WASL: variants seen among roughly 807,000 people sequenced by gnomAD.
The protein encoded by WASL is actin nucleation-promoting factor WASL.
Under a neutral mutation model 55.5 loss-of-function variants are expected in WASL, and 20 were observed. The observed-to-expected ratio is 0.36, with a 90% CI of 0.25 to 0.52. The LOEUF is 0.52. WASL is among the 20% of genes least tolerant of loss of function. WASL has a pLI of 0.92. For missense variants in WASL, 504 were observed against 622.5 expected (o/e 0.81, Z 2.03); for synonymous variants, 249 against 217.6 (o/e 1.14, Z -1.27).
chr7:123,707,177 T>C (rs1192943608), intron 2 of WASL, among the ~76,000 whole-genome samples: 2 of 152,178 alleles, frequency 1.3e-5, no homozygotes, highest in African/African-American at 4.8e-5. Context: ...AATAGGATAC[T>C]TTTGTACATG....
chr7:123,706,875 T>G, intron 2 of WASL, 49 bp from the exon 3 acceptor site: 3 of 1,190,886 alleles, frequency 2.5e-6, no homozygotes, highest in Non-Finnish European at 3.5e-6. Flanking sequence ...ACATAATCTC[T>G]AGGAATAAAA....
intron 7 of WASL, among the ~76,000 whole-genome samples, chr7:123,695,089 A>AT (rs1383748416): frequency 1.3e-5 from 2 of 152,086 alleles, no homozygotes; most frequent in Admixed American, 1.3e-4. Flanking sequence ...AGGGCATCTC[A>AT]TTTAGATTTC....
chr7:123,691,988 CT>C (rs1367080720), intron 9 of WASL, among the ~76,000 whole-genome samples: 5 of 152,262 alleles, frequency 3.3e-5, no homozygotes, highest in African/African-American at 1.2e-4. Flanking sequence ...TGCAAACATC[CT>C]GTAAAATTCC....
At chr7:123,709,321 CTCCTAAAT>C in intron 1 of WASL, 98 bp from the exon 2 acceptor site, 1 of 955,632 alleles carries the variant, frequency 1.0e-6, no homozygotes, top group Admixed American at 3.3e-5. Flanking sequence ...AGCTAAGCTG[CTCCTAAAT>C]TCCTGATTCA....
At position 123,694,811 on chromosome 7, in the gene WASL, C is replaced by A; in HGVS notation, c.730G>T (p.Ala244Ser). ...GATGTTTCTCTGTCTTTAAGTTGTGCCTCTGAGATTCCACACATATCGAAA... is the reference window on the plus strand; with the variant it reads ...GATGTTTCTCTGTCTTTAAGTTGTGACTCTGAGATTCCACACATATCGAAA... ...NLFDMCGISE[A>S]QLKDRETSKV... Residue 244 changes from alanine to serine, a missense_variant, in exon 8 of 11, where the codon GCA becomes TCA. Ala to Ser is a moderately conservative substitution (Grantham distance 99). Around this residue, in one of 5 missense-constraint regions of WASL, gnomAD observed 17 missense variants for 58.4 expected, o/e 0.29. Coordinates refer to ENST00000223023, the MANE Select transcript of WASL (RefSeq NM_003941.4). The A allele has an allele frequency of 6.2e-7, 1 of 1,612,742 alleles. No individual in the cohort carries two copies. The highest frequency in any genetic ancestry group is 8.5e-7 in the Non-Finnish European group (1 of 1,179,404).
At chr7:123,723,191 T>C (rs1377579732) in intron 1 of WASL, among the ~76,000 whole-genome samples, 1 of 152,208 alleles carries the variant, frequency 6.6e-6, no homozygotes. Flanking sequence ...ATCAGATGTA[T>C]CATTGCAACA....
intron 1 of WASL, among the ~76,000 whole-genome samples, chr7:123,734,336 G>A (rs773482409): frequency 6.6e-6 from 1 of 152,014 alleles, no homozygotes; most frequent in Non-Finnish European, 1.5e-5. Context: ...GGACCTGGAC[G>A]TCTCACCAAA....
At chr7:123,695,950 T>C (rs984315919) in intron 6 of WASL, 85 bp from the exon 7 acceptor site, 1 of 1,382,854 alleles carries the variant, frequency 7.2e-7, no homozygotes, top group Non-Finnish European at 1.0e-6. Context: ...CCAATCTACA[T>C]TTGGCTTTGA....
chr7:123,731,998 GAA>G (rs1804145256), intron 1 of WASL, among the ~76,000 whole-genome samples: 1 of 151,966 alleles, frequency 6.6e-6, no homozygotes, highest in African/African-American at 2.4e-5. Flanking sequence ...GCTTAACCAA[GAA>G]AAAAAGAGAA....
intron 5 of WASL, among the ~76,000 whole-genome samples, chr7:123,703,409 A>T (rs184016497): frequency 6.6e-6 from 1 of 152,194 alleles, no homozygotes. Context: ...ATTAACTAGT[A>T]GTTGCTATTA....
At chr7:123,728,650 T>A (rs557808040) in intron 1 of WASL, among the ~76,000 whole-genome samples, 1 of 152,168 alleles carries the variant, frequency 6.6e-6, no homozygotes, top group South Asian at 2.1e-4. Flanking sequence ...GACCAGCCTG[T>A]CCAACACAGT....
At chr7:123,743,197 G>T (rs1200766390) in intron 1 of WASL, among the ~76,000 whole-genome samples, 1 of 151,922 alleles carries the variant, frequency 6.6e-6, no homozygotes, top group Non-Finnish European at 1.5e-5. Flanking sequence ...ATTAGCCAGG[G>T]GTAGTGGCAC....
At chr7:123,739,250 A>G (rs1804288585) in intron 1 of WASL, among the ~76,000 whole-genome samples, 1 of 152,138 alleles carries the variant, frequency 6.6e-6, no homozygotes, top group Non-Finnish European at 1.5e-5. Flanking sequence ...TCTAGCCTCA[A>G]TTTACTCTTC....
At chr7:123,688,652 G>A (rs1462858288) in intron 10 of WASL, among the ~76,000 whole-genome samples, 2 of 152,080 alleles carry the variant, frequency 1.3e-5, no homozygotes, top group African/African-American at 4.8e-5. Flanking sequence ...GTGAGTCACC[G>A]CACCCAGCCC....
intron 5 of WASL, among the ~76,000 whole-genome samples, chr7:123,700,039 G>C (rs1042045345): frequency 6.6e-6 from 1 of 151,800 alleles, no homozygotes; most frequent in South Asian, 2.1e-4. Context: ...ATCCGGGCAT[G>C]GTGGCGCGCG....
rs569513762 is a variant in WASL, at chr7:123,748,858, C to G, written c.-124G>C. 7 of 771,504 alleles carry G rather than the reference C, an allele frequency of 9.1e-6. No individual in the cohort carries two copies. The East Asian group carries it at 2.2e-4, about 24-fold the overall frequency. The allele number at this position is 771,504 out of a possible 1,614,324, so 47.8% of individuals were successfully genotyped here. ...TCAGAGGCGCCACATCTCGCAGCTC[C>G]TCCGGAGCGGGGAGGAGGACGAGGT... On this transcript the variant is annotated 5_prime_UTR_variant, in exon 1 of 11. Transcript: ENST00000223023.
intron 1 of WASL, among the ~76,000 whole-genome samples, chr7:123,719,301 A>C (rs1312699126): frequency 6.6e-6 from 1 of 152,182 alleles, no homozygotes; most frequent in Non-Finnish European, 1.5e-5. Context: ...CTGTCTTAGA[A>C]GTCATTAACC....
Position 123,706,318 on chromosome 7 carries a change from T to C in WASL, c.395A>G (p.Lys132Arg). ...ANEEEAKKFR[K>R]AVTDLLGRRQ... ...ACGGCCCAAAAGGTCTGTAACTGCT[T>C]TTCGAAATTTTTTTGCTTCTTCTTC... Residue 132 changes from lysine (K) to arginine (R), a missense_variant, in exon 4 of 11, where the codon AAA becomes AGA. This residue lies in a region of WASL where 230 missense variants were observed against 271.9 expected (regional missense o/e 0.85). Coordinates refer to ENST00000223023, the MANE Select transcript of WASL (RefSeq NM_003941.4). The C allele has an allele frequency of 1.9e-6, 3 of 1,613,732 alleles. No individual in the cohort carries two copies. Among genetic ancestry groups the C allele is most frequent in the Non-Finnish European group, 2.5e-6 (3 of 1,179,800 alleles).
At chr7:123,712,883 T>C (rs967446338) in intron 1 of WASL, among the ~76,000 whole-genome samples, 4 of 152,186 alleles carry the variant, frequency 2.6e-5, no homozygotes, top group Admixed American at 2.6e-4. Flanking sequence ...TTAAATTCCT[T>C]TCACATTTTC....
Sources: allele counts gnomAD v4.1 joint callset (sites outside exome capture counted in the v4.1 genomes callset), GRCh38; gene constraint gnomAD v4.1.1; regional missense constraint gnomAD v4.1.1; transcripts MANE v1.5; gene names NCBI Gene and HGNC (gene_info 2026-07-23, HGNC 2026-07-21).